PLEKHM3: variants seen among roughly 807,000 people sequenced by gnomAD.
PLEKHM3 encodes pleckstrin homology domain containing M3.
Under a neutral mutation model 81.8 loss-of-function variants are expected in PLEKHM3, and 45 were observed. The ratio of observed to expected loss-of-function variants is 0.55; its 90% CI spans 0.43 to 0.71. The LOEUF is 0.71. Among genes scored for constraint, PLEKHM3 ranks in the 30% least tolerant of loss-of-function variants. The pLI, the probability that PLEKHM3 is intolerant of heterozygous loss-of-function variation, is 0.00. For synonymous variants in PLEKHM3, 352 were observed against 356.4 expected (o/e 0.99, Z 0.14); for missense variants, 788 against 924.3 (o/e 0.85, Z 1.91).
At chr2:207,858,174 G>GTGTGTGTGTGTGTGTA (rs373920637) in intron 7 of PLEKHM3, among the ~76,000 whole-genome samples, 4 of 123,260 alleles carry the variant, frequency 3.2e-5, no homozygotes, top group Non-Finnish European at 6.5e-5. Flanking sequence ...GTGTGTGTGT[G>GTGTGTGTGTGTGTGTA]TATATATTTT....
At chr2:207,891,685 G>T (rs1248321247) in intron 6 of PLEKHM3, among the ~76,000 whole-genome samples, 1 of 152,190 alleles carries the variant, frequency 6.6e-6, no homozygotes, top group African/African-American at 2.4e-5. Flanking sequence ...GCTCACTTAT[G>T]CAATAACATA....
At chr2:207,916,890 T>A (rs1396663103) in intron 5 of PLEKHM3, among the ~76,000 whole-genome samples, 1 of 152,240 alleles carries the variant, frequency 6.6e-6, no homozygotes, top group Non-Finnish European at 1.5e-5. Flanking sequence ...AAAATTAATA[T>A]ATAACTTCCC....
intron 3 of PLEKHM3, among the ~76,000 whole-genome samples, chr2:207,957,545 A>C (rs527446494): frequency 6.6e-6 from 1 of 152,286 alleles, no homozygotes; most frequent in African/African-American, 2.4e-5. Context: ...AAAAATACTA[A>C]AAATTAGTTG....
Position 207,828,423 on chromosome 2 carries a change from G to A in PLEKHM3, c.2182C>T (p.Arg728Ter), listed in dbSNP as rs752283541. Residue 728 changes from arginine (R) to a stop codon, truncating the protein, a stop_gained, in exon 8 of 8, where the codon CGA (arginine) becomes TGA (stop). Transcript: ENST00000427836. LOFTEE classifies it high-confidence loss of function. ...KSVPCPRCVR[R>*]ELQKKQKSFW... is the part of the protein sequence containing the mutation. ...GACTTCTGCTTCTTCTGCAGCTCTC[G>A]GCGAACACACCTCGGGCAGGGGACA... 6 of 1,613,888 alleles carry A rather than the reference G, an allele frequency of 3.7e-6. No individual in the cohort carries two copies. Among genetic ancestry groups the A allele is most frequent in the South Asian group, 2.2e-5 (2 of 91,070 alleles).
chr2:207,959,531 T>C (rs1690659440), intron 3 of PLEKHM3, among the ~76,000 whole-genome samples: 1 of 152,198 alleles, frequency 6.6e-6, no homozygotes, highest in Non-Finnish European at 1.5e-5. Context: ...TTCTATCACA[T>C]ACAGTGTCCT....
At chr2:207,964,063 T>C (rs1460315173) in intron 3 of PLEKHM3, among the ~76,000 whole-genome samples, 1 of 151,992 alleles carries the variant, frequency 6.6e-6, no homozygotes, top group African/African-American at 2.4e-5. Flanking sequence ...AATACAAAAA[T>C]TAGCCAGGCG....
chr2:208,001,438 T>G lies in PLEKHM3; in HGVS notation c.202A>C (p.Lys68Gln). Residue 68 changes from lysine (K) to glutamine (Q), a missense_variant, in exon 2 of 8, where the codon AAG becomes CAG. Lys to Gln is a moderately conservative substitution (Grantham distance 53, BLOSUM62 1). Coordinates refer to ENST00000427836, the MANE Select transcript of PLEKHM3 (RefSeq NM_001080475.3). ...CAGTGGTCCCAAATCATGCCCCCCT[T>G]GCCCAGGGAGGTGACATTTCTCATA... ...GAMRNVTSLG[K>Q]GGMIWDHCKS... The G allele has an allele frequency of 6.2e-7, 1 of 1,614,158 alleles. No homozygotes were observed. Among genetic ancestry groups the G allele is most frequent in the Non-Finnish European group, 8.5e-7 (1 of 1,180,000 alleles).
intron 1 of PLEKHM3, among the ~76,000 whole-genome samples, chr2:208,022,643 C>T (rs1693164695): frequency 6.6e-6 from 1 of 152,198 alleles, no homozygotes. Context: ...CAGTTCCTCT[C>T]CACCTTCGAA....
chr2:207,851,054 G>A (rs1348214404), intron 7 of PLEKHM3, among the ~76,000 whole-genome samples: 2 of 150,672 alleles, frequency 1.3e-5, no homozygotes. Flanking sequence ...TAGGGAGGCT[G>A]AGGCAGGATA....
At chr2:207,894,008 A>T (rs1375070503) in intron 6 of PLEKHM3, among the ~76,000 whole-genome samples, 1 of 152,142 alleles carries the variant, frequency 6.6e-6, no homozygotes, top group Non-Finnish European at 1.5e-5. Context: ...TTTCAGCTAC[A>T]TGAGAGACTG....
At chr2:207,932,337 C>T (rs1452908981) in intron 4 of PLEKHM3, among the ~76,000 whole-genome samples, 1 of 152,164 alleles carries the variant, frequency 6.6e-6, no homozygotes, top group African/African-American at 2.4e-5. Context: ...TTTTCAGAAT[C>T]TCTACATACC....
intron 1 of PLEKHM3, among the ~76,000 whole-genome samples, chr2:208,022,123 C>T (rs368408325): frequency 1.6e-4 from 25 of 152,152 alleles, no homozygotes; most frequent in African/African-American, 5.5e-4. Flanking sequence ...ATGAGCTGTT[C>T]GGAAAGGTTA....
chr2:207,866,626 A>G (rs750204209), intron 6 of PLEKHM3, among the ~76,000 whole-genome samples: 18 of 152,234 alleles, frequency 1.2e-4, no homozygotes, highest in Non-Finnish European at 2.2e-4. Flanking sequence ...CTCATTTCGT[A>G]TTTCTTAACA....
At chr2:207,842,718 A>G (rs2092361411) in intron 7 of PLEKHM3, among the ~76,000 whole-genome samples, 2 of 152,234 alleles carry the variant, frequency 1.3e-5, no homozygotes, top group Admixed American at 1.3e-4. Flanking sequence ...CGATAGTCAC[A>G]ATAATAAGAA....
At chr2:207,892,376 T>C (rs1314195526) in intron 6 of PLEKHM3, among the ~76,000 whole-genome samples, 1 of 152,214 alleles carries the variant, frequency 6.6e-6, no homozygotes, top group Non-Finnish European at 1.5e-5. Flanking sequence ...CATTTTTGAT[T>C]GGTTACATTT....
chr2:207,979,956 C>T (rs533631682), intron 2 of PLEKHM3, among the ~76,000 whole-genome samples: 3 of 152,294 alleles, frequency 2.0e-5, no homozygotes, highest in African/African-American at 7.2e-5. Flanking sequence ...ATAATGGATG[C>T]CTATTTGCAG....
intron 3 of PLEKHM3, among the ~76,000 whole-genome samples, chr2:207,974,494 T>C (rs1691235488): frequency 6.6e-6 from 1 of 152,170 alleles, no homozygotes; most frequent in South Asian, 2.1e-4. Flanking sequence ...GTTTCTTGAT[T>C]CAGCTACTCC....
rs1406950131 is a variant in PLEKHM3 at position 207,821,375 on chromosome 2, T to C, written c.*6944A>G. On this transcript the variant is annotated 3_prime_UTR_variant, in exon 8 of 8. Coordinates refer to ENST00000427836, the MANE Select transcript of PLEKHM3 (RefSeq NM_001080475.3). ...ACTTAAATTATGTGACAGATGACCT[T>C]AAAAACTAGAGGTATTGTCAACAAT... is the stretch of plus-strand genomic sequence containing the variant. The C allele has an allele frequency of 6.6e-6, 1 of 152,092 alleles. No homozygotes were observed. Among genetic ancestry groups the C allele is most frequent in the Non-Finnish European group, 1.5e-5 (1 of 68,014 alleles). The allele number at this position is 152,092 out of a possible 1,614,324, so 9.4% of individuals were successfully genotyped here.
intron 1 of PLEKHM3, among the ~76,000 whole-genome samples, chr2:208,004,917 C>T (rs1044600516): frequency 8.5e-5 from 13 of 152,230 alleles, no homozygotes; most frequent in Admixed American, 1.3e-4. Context: ...CTCTACCCCA[C>T]GGCGTTCAAG....
Sources: gnomAD v4.1 joint callset for allele counts (sites outside exome capture counted in the v4.1 genomes callset) on GRCh38, gnomAD v4.1.1 for gene constraint, MANE v1.5 for transcripts, NCBI Gene and HGNC (gene_info 2026-07-23, HGNC 2026-07-21) for gene names.